DMC1: variants seen among roughly 807,000 people sequenced by gnomAD.
DMC1 encodes DNA meiotic recombinase 1.
Under a neutral mutation model 50.1 loss-of-function variants are expected in DMC1, and 27 were observed. The ratio of observed to expected loss-of-function variants is 0.54; its 90% confidence interval spans 0.40 to 0.74. The LOEUF is 0.74. Ranked by LOEUF, DMC1 falls within the 30% of genes least tolerant of loss-of-function variation. The pLI is 0.00. For missense variants in DMC1, 295 were observed against 420.2 expected (o/e 0.70, Z 2.60); for synonymous variants, 148 against 136.1 (o/e 1.09, Z -0.61).
chr22:38,537,818 T>G (rs2090232240), intron 11 of DMC1, among the ~76,000 whole-genome samples, 166 bp from the exon 12 acceptor site: 1 of 152,184 alleles, frequency 6.6e-6, no homozygotes, highest in South Asian at 2.1e-4. Context: ...GTTATTATTA[T>G]TATTAAGGTT....
At chr22:38,538,685 G>T (rs1367722370) in intron 9 of DMC1, 73 bp from the exon 10 acceptor site, 10 of 1,291,872 alleles carry the variant, frequency 7.7e-6, no homozygotes, top group Admixed American at 6.8e-5. Flanking sequence ...CATATTCTTG[G>T]GAGCCAGGCA....
chr22:38,565,053 G>C (rs2267392), intron 4 of DMC1, among the ~76,000 whole-genome samples: 8,847 of 152,276 alleles, frequency 0.058, 545 homozygotes, highest in African/African-American at 0.15. Context: ...TACCAATAGA[G>C]AAATGGAGAG....
intron 2 of DMC1, 41 bp downstream of exon 2, chr22:38,568,165 A>C (rs1225467432): frequency 1.3e-6 from 2 of 1,582,116 alleles, no homozygotes; most frequent in Middle Eastern, 3.3e-4. Flanking sequence ...TTTTTGCGGA[A>C]TGATCGAATG....
At chr22:38,545,389 C>T (rs1307020633) in intron 8 of DMC1, among the ~76,000 whole-genome samples, 3 of 152,124 alleles carry the variant, frequency 2.0e-5, no homozygotes, top group East Asian at 1.9e-4. Context: ...CCAGCCTAGG[C>T]GACAGAGCGA....
intron 12 of DMC1, among the ~76,000 whole-genome samples, chr22:38,532,850 C>T (rs1360249804): frequency 1.3e-5 from 2 of 152,038 alleles, no homozygotes; most frequent in East Asian, 3.9e-4. Flanking sequence ...TCAAGCGATC[C>T]TCCTGCCTCG....
At chr22:38,509,838 T>A in the DMC1 span, among the ~76,000 whole-genome samples, 15 of 152,134 alleles carry the variant, frequency 9.9e-5, no homozygotes, top group African/African-American at 3.6e-4. Context: ...CTAATTTTTA[T>A]ATTTTTTAGT....
intron 5 of DMC1, among the ~76,000 whole-genome samples, chr22:38,556,803 T>A (rs1039293278): frequency 2.0e-5 from 3 of 152,182 alleles, no homozygotes; most frequent in African/African-American, 7.2e-5. Flanking sequence ...ATATAGATAA[T>A]CCAATACATT....
chr22:38,555,122 A>G (rs892427826), intron 6 of DMC1, among the ~76,000 whole-genome samples: 2 of 151,992 alleles, frequency 1.3e-5, no homozygotes, highest in Non-Finnish European at 2.9e-5. Context: ...TATCTTCTAT[A>G]GGAATCACAA....
At chr22:38,518,129 C>T (rs531166402), downstream of DMC1, among the ~76,000 whole-genome samples, 56 of 152,084 alleles carry the variant, frequency 3.7e-4, 1 homozygote, top group Non-Finnish European at 3.1e-4. Flanking sequence ...TGCGTCATCG[C>T]GCCCAGTTAA....
At chr22:38,513,122 C>A in the DMC1 span, among the ~76,000 whole-genome samples, 8 of 151,642 alleles carry the variant, frequency 5.3e-5, no homozygotes, top group Non-Finnish European at 8.8e-5. Context: ...ATTGAATTAG[C>A]AGAAGACTGC....
intron 4 of DMC1, among the ~76,000 whole-genome samples, chr22:38,563,656 C>T (rs1020594252): frequency 1.3e-5 from 2 of 151,966 alleles, no homozygotes; most frequent in African/African-American, 4.8e-5. Context: ...CAGTTCAAGA[C>T]CAGCCTGGCC....
intron 4 of DMC1, among the ~76,000 whole-genome samples, chr22:38,563,367 A>T (rs2146010315): frequency 6.6e-6 from 1 of 152,292 alleles, no homozygotes; most frequent in East Asian, 1.9e-4. Context: ...GAGAACTTGG[A>T]GAATGGGGAC....
At chr22:38,546,086 T>C (rs2145907297) in intron 8 of DMC1, 1 of 152,382 alleles carries the variant, frequency 6.6e-6, no homozygotes, top group East Asian at 1.9e-4. Flanking sequence ...ATTCCTATTG[T>C]TCTTAGTAAA....
chr22:38,564,695 G>C (rs1283935451), intron 4 of DMC1, among the ~76,000 whole-genome samples: 1 of 152,222 alleles, frequency 6.6e-6, no homozygotes, highest in African/African-American at 2.4e-5. Context: ...GCAGTAGTGG[G>C]TGCTTGAGAA....
At chr22:38,529,997 G>T (rs2090136808) in intron 12 of DMC1, among the ~76,000 whole-genome samples, 1 of 151,960 alleles carries the variant, frequency 6.6e-6, no homozygotes, top group South Asian at 2.1e-4. Flanking sequence ...ATGGAGTCTT[G>T]CTCTGTCGCC....
chr22:38,542,445 C>T (rs2090293233), intron 8 of DMC1, among the ~76,000 whole-genome samples: 1 of 152,078 alleles, frequency 6.6e-6, no homozygotes. Flanking sequence ...AAATTAATCC[C>T]ATTTACAATA....
chr22:38,568,436 A>T, intron 1 of DMC1, 147 bp from the exon 2 acceptor site: 1 of 645,940 alleles, frequency 1.5e-6, no homozygotes, highest in South Asian at 1.8e-5. Flanking sequence ...TCTGCGAGAC[A>T]TGTGACATTA....
chr22:38,553,409 A>G (rs1211102839), intron 6 of DMC1, among the ~76,000 whole-genome samples: 8 of 148,100 alleles, frequency 5.4e-5, no homozygotes, highest in African/African-American at 7.4e-5. Context: ...GAGGCAGCAG[A>G]ATGGTGTGAA....
chr22:38,530,129 G>C (rs2090138074), intron 12 of DMC1, among the ~76,000 whole-genome samples: 1 of 152,046 alleles, frequency 6.6e-6, no homozygotes, highest in African/African-American at 2.4e-5. Context: ...ACCACACCTG[G>C]CTAATTTTTG....
Sources: gnomAD v4.1 joint callset for allele counts (sites outside exome capture counted in the v4.1 genomes callset) on GRCh38, gnomAD v4.1.1 for gene constraint, MANE v1.5 for transcripts, NCBI Gene and HGNC (gene_info 2026-07-23, HGNC 2026-07-21) for gene names.